NFIA: variants seen among roughly 807,000 people sequenced by gnomAD.
NFIA encodes the protein nuclear factor 1 A-type.
In NFIA, 8 loss-of-function variants were observed where a neutral mutation model predicts 62.8. The ratio of observed to expected loss-of-function variants is 0.13; its 90% confidence interval spans 0.07 to 0.23. The LOEUF is 0.23. Ranked by LOEUF, NFIA falls within the 10% of genes least tolerant of loss-of-function variation. The pLI is 1.00. For missense variants in NFIA, 410 were observed against 642.1 expected (o/e 0.64, Z 3.91); for synonymous variants, 235 against 238.1 (o/e 0.99, Z 0.12).
intron 2 of NFIA, among the ~76,000 whole-genome samples, chr1:61,124,531 T>G (rs1005631282): frequency 6.6e-6 from 1 of 152,188 alleles, no homozygotes; most frequent in Admixed American, 6.5e-5. Flanking sequence ...ATTTGAATAC[T>G]GAGAGATTCA....
At chr1:61,421,902 A>G (rs1187937305) in intron 9 of NFIA, among the ~76,000 whole-genome samples, 2 of 152,214 alleles carry the variant, frequency 1.3e-5, no homozygotes, top group Admixed American at 6.5e-5. Flanking sequence ...AAACAAACCA[A>G]TGTGAACTCA....
chr1:61,177,650 C>T (rs1483652204), intron 2 of NFIA, among the ~76,000 whole-genome samples: 1 of 127,474 alleles, frequency 7.8e-6, no homozygotes, highest in South Asian at 2.7e-4. Context: ...AATGTTTTCT[C>T]TATTGTGTGT....
At chr1:61,181,220 G>A (rs562592487) in intron 2 of NFIA, among the ~76,000 whole-genome samples, 2 of 152,252 alleles carry the variant, frequency 1.3e-5, no homozygotes, top group South Asian at 4.1e-4. Context: ...AATTAGACTG[G>A]CAATCCCCTT....
intron 2 of NFIA, among the ~76,000 whole-genome samples, chr1:61,092,846 G>A (rs1646343734): frequency 6.6e-6 from 1 of 152,182 alleles, no homozygotes; most frequent in East Asian, 1.9e-4. Context: ...TTCAGAGCAG[G>A]TGTAAGATTA....
chr1:61,256,815 T>A (rs1171340975), intron 2 of NFIA, among the ~76,000 whole-genome samples: 1 of 152,074 alleles, frequency 6.6e-6, no homozygotes, highest in Non-Finnish European at 1.5e-5. Flanking sequence ...TTTAGGACCC[T>A]CTGTTGTAAG....
intron 3 of NFIA, among the ~76,000 whole-genome samples, chr1:61,296,622 C>A (rs1659202004): frequency 6.6e-6 from 1 of 152,142 alleles, no homozygotes; most frequent in Admixed American, 6.6e-5. Flanking sequence ...TGACAAACAA[C>A]TTCTAAGATT....
chr1:61,207,245 A>G (rs1427573070), intron 2 of NFIA, among the ~76,000 whole-genome samples: 2 of 152,222 alleles, frequency 1.3e-5, no homozygotes, highest in Non-Finnish European at 2.9e-5. Context: ...ATGGCATTTT[A>G]CGTTGACTGT....
chr1:61,435,549 A>G (rs1667287558), intron 10 of NFIA, among the ~76,000 whole-genome samples: 1 of 152,168 alleles, frequency 6.6e-6, no homozygotes, highest in Non-Finnish European at 1.5e-5. Context: ...TAGCATAGTC[A>G]TATCATACCT....
intron 2 of NFIA, among the ~76,000 whole-genome samples, chr1:61,230,716 G>A (rs531939246): frequency 2.6e-5 from 4 of 152,100 alleles, no homozygotes; most frequent in African/African-American, 7.2e-5. Flanking sequence ...CTCCTCACCC[G>A]CATCCCGTTT....
chr1:61,105,486 C>T (rs1570161383), intron 2 of NFIA, among the ~76,000 whole-genome samples: 1 of 151,874 alleles, frequency 6.6e-6, no homozygotes, highest in South Asian at 2.1e-4. Flanking sequence ...AACTTAATCA[C>T]GTAGTTGATG....
At chr1:61,275,011 C>T (rs1175607465) in intron 2 of NFIA, among the ~76,000 whole-genome samples, 1 of 152,146 alleles carries the variant, frequency 6.6e-6, no homozygotes, top group African/African-American at 2.4e-5. Context: ...TTTGGCTTTG[C>T]TTGCCCCTTA....
chr1:61,134,935 C>G (rs1647154595), intron 2 of NFIA, among the ~76,000 whole-genome samples: 1 of 152,148 alleles, frequency 6.6e-6, no homozygotes, highest in Non-Finnish European at 1.5e-5. Flanking sequence ...AAGAAGATAG[C>G]AACTGAAAAG....
upstream of NFIA, chr1:61,081,820 G>T (rs1557549739): frequency 6.7e-7 from 1 of 1,488,056 alleles, no homozygotes; most frequent in Non-Finnish European, 9.0e-7. Flanking sequence ...AATTACCTCT[G>T]CCGACGAATC....
rs377088662 is a variant in NFIA at position 61,433,454 on chromosome 1, CT to C, written c.1512+6908del. ...GTTTTATTTTTGTTGTTGTTGGTTT[CT>C]TTTTTTTTTCACAGTAATTCAATTT... On this transcript the variant is annotated intron_variant, in intron 10 of 10. Coordinates refer to ENST00000403491, the MANE Select transcript of NFIA (RefSeq NM_001134673.4). Among the ~76,000 whole-genome samples, 749 of 146,420 alleles carry C rather than the reference CT, an allele frequency of 5.1e-3. 9 individuals carry two copies. The highest frequency in any genetic ancestry group is 0.016 in the African/African-American group (659 of 39,976).
chr1:61,104,052 T>C (rs1570158529), intron 2 of NFIA, among the ~76,000 whole-genome samples: 2 of 152,152 alleles, frequency 1.3e-5, no homozygotes, highest in East Asian at 3.8e-4. Flanking sequence ...TGTGAGGGTA[T>C]AATCTTTATA....
At chr1:61,376,719 A>G (rs1664166789) in intron 6 of NFIA, among the ~76,000 whole-genome samples, 1 of 152,140 alleles carries the variant, frequency 6.6e-6, no homozygotes. Flanking sequence ...TAAATAGGAC[A>G]CTGTTTTTAT....
chr1:61,142,827 C>G (rs760803763), intron 2 of NFIA, among the ~76,000 whole-genome samples: 1 of 152,200 alleles, frequency 6.6e-6, no homozygotes, highest in East Asian at 1.9e-4. Flanking sequence ...ATGGAAAGCG[C>G]CTGCCCCTGT....
At chr1:61,201,444 A>G (rs897441693) in intron 2 of NFIA, among the ~76,000 whole-genome samples, 6 of 152,080 alleles carry the variant, frequency 3.9e-5, no homozygotes, top group Non-Finnish European at 8.8e-5. Context: ...GAAAATTATA[A>G]AGAACTTAAA....
intron 3 of NFIA, among the ~76,000 whole-genome samples, chr1:61,288,279 A>G (rs749267632): frequency 2.3e-4 from 35 of 152,306 alleles, no homozygotes; most frequent in Admixed American, 3.9e-4. Flanking sequence ...AAGTAGAGAA[A>G]TGGCATTTCT....
Sources: allele counts gnomAD v4.1 joint callset (sites outside exome capture counted in the v4.1 genomes callset), GRCh38; gene constraint gnomAD v4.1.1; transcripts MANE v1.5; gene names NCBI Gene and HGNC (gene_info 2026-07-23, HGNC 2026-07-21).